The following OLFML2B variants were observed in gnomAD, a reference collection of about 807,000 sequenced individuals.
OLFML2B encodes the protein olfactomedin-like protein 2B.
A neutral mutation model predicts 74.9 loss-of-function variants in OLFML2B; 57 were observed. The ratio of observed to expected loss-of-function variants is 0.76; its 90% CI spans 0.61 to 0.95. The LOEUF is 0.95. Ranked by LOEUF, OLFML2B falls within the 40% of genes least tolerant of loss-of-function variation. The pLI, the probability that OLFML2B is intolerant of heterozygous loss-of-function variation, is 0.00. For missense variants in OLFML2B, 986 were observed against 970.6 expected (o/e 1.02, Z -0.21); for synonymous variants, 388 against 405.8 (o/e 0.96, Z 0.53).
chr1:162,015,489 G>A (rs548675523), intron 3 of OLFML2B, among the ~76,000 whole-genome samples: 2 of 152,342 alleles, frequency 1.3e-5, no homozygotes, highest in Non-Finnish European at 2.9e-5. Context: ...CAACTGTTTG[G>A]CTGCCAAGGT....
chr1:161,990,459 AG>A (rs1689704891), intron 6 of OLFML2B, among the ~76,000 whole-genome samples: 1 of 152,252 alleles, frequency 6.6e-6, no homozygotes, highest in African/African-American at 2.4e-5. Flanking sequence ...TGAGTATAAA[AG>A]TTATGTTTAC....
At position 162,020,191 on chromosome 1, in the gene OLFML2B, A is replaced by C; in HGVS notation, c.175-9T>G. 6.2e-7 allele frequency: 1 copy of C among 1,613,596 alleles called. No individual in the cohort carries two copies. The highest frequency in any genetic ancestry group is 8.5e-7 in the Non-Finnish European group (1 of 1,179,600). ...TCATAGTCCCCCAGCAACTAGACAC[A>C]CAGAAAACGGGTTAGGGGCATGCAA... is the stretch of plus-strand genomic sequence containing the variant. On this transcript the variant is annotated splice_polypyrimidine_tract_variant and intron_variant, in intron 1 of 7. Transcript: ENST00000294794.
intron 6 of OLFML2B, among the ~76,000 whole-genome samples, chr1:161,991,903 G>A (rs1475092639): frequency 6.6e-6 from 1 of 152,144 alleles, no homozygotes; most frequent in East Asian, 1.9e-4. Context: ...TTTTTAGAAT[G>A]GTAAATGAGC....
intron 3 of OLFML2B, among the ~76,000 whole-genome samples, chr1:162,016,349 C>T (rs1457374533): frequency 6.6e-6 from 1 of 152,226 alleles, no homozygotes; most frequent in Non-Finnish European, 1.5e-5. Flanking sequence ...GAGTAAGGAA[C>T]TCATTCTGTC....
At chr1:161,999,394 A>C (rs1339304658) in intron 5 of OLFML2B, among the ~76,000 whole-genome samples, 1 of 152,176 alleles carries the variant, frequency 6.6e-6, no homozygotes, top group Non-Finnish European at 1.5e-5. Context: ...ACCAAAAAAA[A>C]CACATGGGCA....
chr1:162,006,214 T>C, intron 4 of OLFML2B, 83 bp downstream of exon 4: 2 of 1,340,256 alleles, frequency 1.5e-6, no homozygotes, highest in Non-Finnish European at 2.0e-6. Context: ...GACTGAAGCC[T>C]GAAAAGTTCT....
intron 2 of OLFML2B, 116 bp downstream of exon 2, chr1:162,019,803 A>C (rs1001461235): frequency 3.1e-6 from 4 of 1,298,602 alleles, no homozygotes; most frequent in African/African-American, 1.5e-5. Context: ...ACAGCACTCT[A>C]GGGAACAGGC....
At chr1:161,999,629 G>A (rs1282012232) in intron 5 of OLFML2B, among the ~76,000 whole-genome samples, 1 of 152,166 alleles carries the variant, frequency 6.6e-6, no homozygotes, top group East Asian at 1.9e-4. Flanking sequence ...AGAGGAAGAA[G>A]CCTAAGGAAA....
intron 6 of OLFML2B, among the ~76,000 whole-genome samples, chr1:161,996,776 C>A (rs1571291356): frequency 6.6e-6 from 1 of 152,318 alleles, no homozygotes; most frequent in South Asian, 2.1e-4. Flanking sequence ...CTCCCAGGCA[C>A]AGAATAGGGC....
rs1690632220 is a variant in OLFML2B at position 162,019,237 on chromosome 1, T to C, written c.438+682A>G. Among the ~76,000 whole-genome samples the C allele has an allele frequency of 2.0e-5, 3 of 152,226 alleles. No individual in the cohort carries two copies. The East Asian group carries it at 5.8e-4, about 29-fold the overall frequency. ...GTTGTTATCTCATTACTCCACCAAG[T>C]AGATGTTATTATTACCACATGTTAT... On this transcript the variant is annotated intron_variant, in intron 2 of 7. Transcript: ENST00000294794.
intron 6 of OLFML2B, among the ~76,000 whole-genome samples, chr1:161,995,573 C>A (rs890117767): frequency 7.9e-5 from 12 of 152,094 alleles, no homozygotes; most frequent in African/African-American, 2.4e-4. Flanking sequence ...ATGGCAAAGT[C>A]CTGGGGAGGC....
intron 6 of OLFML2B, among the ~76,000 whole-genome samples, chr1:161,988,627 G>A (rs77002211): frequency 7.4e-4 from 83 of 111,506 alleles, no homozygotes; most frequent in African/African-American, 2.7e-3. Flanking sequence ...TCCTGGTCCC[G>A]CCCACCTGCC....
At chr1:161,989,056 G>A (rs954580245) in intron 6 of OLFML2B, among the ~76,000 whole-genome samples, 5 of 152,106 alleles carry the variant, frequency 3.3e-5, no homozygotes, top group Admixed American at 2.0e-4. Context: ...CCTCTATGGC[G>A]TAGTTCAGAT....
Position 162,023,390 on chromosome 1 carries a change from A to G in OLFML2B, c.41T>C (p.Ile14Thr), listed in dbSNP as rs748474659. 17 of 1,599,792 alleles carry G rather than the reference A, an allele frequency of 1.1e-5. No homozygotes were observed. The highest frequency in any genetic ancestry group is 1.4e-5 in the Non-Finnish European group (16 of 1,171,558). The change falls in exon 1 of 8, where the codon ATT becomes ACT. Residue 14 changes from isoleucine to threonine, a missense_variant. Transcript: ENST00000294794. ...GCTGGACACCCAGGCCGGAACCACA[A>G]TCAGAGCGAAGTAGAGAACTAGCAG... Reference protein sequence around the residue: ...PRLLVLYFALIVVPAWVSSIV... With the variant: ...PRLLVLYFALTVVPAWVSSIV...
rs747993798 is a variant in OLFML2B, at chr1:162,000,341, G to A, written c.724-3C>T. 1 of 1,610,928 alleles carries A rather than the reference G, an allele frequency of 6.2e-7. No homozygotes were observed. Among genetic ancestry groups the A allele is most frequent in the South Asian group, 1.1e-5 (1 of 90,908 alleles). ...TCCTGCAGAAACCGCTCTTCATACT[G>A]CTCCTCAGAGGGGACACAAGGGAAG... On this transcript the variant is annotated splice_region_variant and splice_polypyrimidine_tract_variant and intron_variant, in intron 4 of 7. Transcript: ENST00000294794.
chr1:162,023,078 T>C (rs948019179), intron 1 of OLFML2B, among the ~76,000 whole-genome samples, 179 bp downstream of exon 1: 3 of 152,210 alleles, frequency 2.0e-5, no homozygotes, highest in African/African-American at 7.2e-5. Flanking sequence ...CCTATGATTT[T>C]GCGAGGAGAA....
chr1:162,017,442 TGAATGTAGCTTCAG>T lies in OLFML2B; in HGVS notation c.490_503del (p.Leu164SerfsTer11). 6.2e-7 allele frequency: 1 copy of T among 1,613,828 alleles called. No individual in the cohort carries two copies. The highest frequency in any genetic ancestry group is 8.5e-7 in the Non-Finnish European group (1 of 1,179,906). On this transcript the variant is annotated frameshift_variant, in exon 3 of 8. Transcript: ENST00000294794. LOFTEE classifies it high-confidence loss of function. ...CTCGCCCCACCAGTTTGGTGGTGAC[TGAATGTAGCTTCAG>T]GAGATCCAGGCCATAGAACGCTCCT...
chr1:162,022,402 C>T (rs986728149), intron 1 of OLFML2B, among the ~76,000 whole-genome samples: 5 of 151,970 alleles, frequency 3.3e-5, no homozygotes, highest in Non-Finnish European at 7.4e-5. Flanking sequence ...AGGTGCCTGC[C>T]ACCACGCCTG....
Position 161,998,001 on chromosome 1 carries a change from G to C in OLFML2B, c.1298C>G (p.Ala433Gly), listed in dbSNP as rs1205165705. The C allele has an allele frequency of 6.2e-7, 1 of 1,614,102 alleles. No individual in the cohort carries two copies. The highest frequency in any genetic ancestry group is 8.5e-7 in the Non-Finnish European group (1 of 1,180,050). Residue 433 changes from alanine to glycine, a missense_variant, in exon 6 of 8, where the codon GCT (alanine) becomes GGT (glycine). Coordinates refer to ENST00000294794, the MANE Select transcript of OLFML2B (RefSeq NM_015441.3). ...HTATQQPAAP[A>G]PPAVSPREAL... ...CTCCCTGGGAGACACTGCCGGAGGA[G>C]CTGGGGCTGCTGGTTGCTGGGTGGC...
Sources: allele counts gnomAD v4.1 joint callset (sites outside exome capture counted in the v4.1 genomes callset), GRCh38; gene constraint gnomAD v4.1.1; transcripts MANE v1.5; gene names NCBI Gene and HGNC (gene_info 2026-07-23, HGNC 2026-07-21).